ATP2B4: variants seen among roughly 807,000 people sequenced by gnomAD.
ATP2B4 encodes ATPase plasma membrane Ca2+ transporting 4.
ATP2B4 carries 39 observed loss-of-function variants against 110.3 expected under a neutral mutation model. The observed-to-expected ratio is 0.35, with a 90% CI of 0.27 to 0.46. ATP2B4 has a LOEUF of 0.46. Among genes scored for constraint, ATP2B4 ranks in the 20% least tolerant of loss-of-function variants. The pLI, the probability that ATP2B4 is intolerant of heterozygous loss-of-function variation, is 1.00. For missense variants in ATP2B4, 1,135 were observed against 1,530.9 expected (o/e 0.74, Z 4.32); for synonymous variants, 538 against 571.7 (o/e 0.94, Z 0.84).
At chr1:203,636,300 G>A (rs1663435295) in intron 1 of ATP2B4, among the ~76,000 whole-genome samples, 1 of 152,182 alleles carries the variant, frequency 6.6e-6, no homozygotes, top group African/African-American at 2.4e-5. Context: ...TGGCTGTCCT[G>A]TCATTGACCC....
intron 1 of ATP2B4, among the ~76,000 whole-genome samples, chr1:203,654,339 T>G (rs748348577): frequency 2.6e-5 from 4 of 152,308 alleles, no homozygotes; most frequent in Non-Finnish European, 5.9e-5. Context: ...AAAATACTAC[T>G]GCTCATTGAC....
chr1:203,691,309 T>G (rs1328454010), intron 2 of ATP2B4, among the ~76,000 whole-genome samples: 2 of 152,158 alleles, frequency 1.3e-5, no homozygotes, highest in Admixed American at 1.3e-4. Flanking sequence ...GGAAGAAAAA[T>G]AGCATTCCCT....
chr1:203,682,112 A>G (rs748382189), intron 1 of ATP2B4, among the ~76,000 whole-genome samples: 11 of 152,102 alleles, frequency 7.2e-5, no homozygotes, highest in Non-Finnish European at 1.5e-4. Flanking sequence ...GAGTACTCTA[A>G]CGGGCTTTGG....
chr1:203,718,585 C>A (rs1169908607), intron 15 of ATP2B4, among the ~76,000 whole-genome samples: 1 of 152,166 alleles, frequency 6.6e-6, no homozygotes, highest in Non-Finnish European at 1.5e-5. Context: ...CAGGCATGAG[C>A]CACCACACCC....
At chr1:203,720,470 C>T (rs552095791) in intron 15 of ATP2B4, 79 bp from the exon 16 acceptor site, 53 of 1,406,382 alleles carry the variant, frequency 3.8e-5, no homozygotes, top group South Asian at 1.4e-4. Flanking sequence ...ACACTGACTT[C>T]GGAAGCTTCC....
rs1667010587 is a variant in ATP2B4, at chr1:203,742,283, T to C, written c.*2429T>C. 2 of 152,682 alleles carry C rather than the reference T, an allele frequency of 1.3e-5. No homozygotes were observed. Among genetic ancestry groups the C allele is most frequent in the Admixed American group, 6.5e-5 (1 of 15,278 alleles). The allele number at this position is 152,682 out of a possible 1,614,324, so 9.5% of individuals were successfully genotyped here. ...TTTAAAACCAATACACCATACTTTC[T>C]TTCTGCAAACAGCCATCTTTATACT... On this transcript the variant is annotated 3_prime_UTR_variant, in exon 21 of 21. Coordinates refer to ENST00000357681, the MANE Select transcript of ATP2B4 (RefSeq NM_001684.5).
intron 1 of ATP2B4, among the ~76,000 whole-genome samples, chr1:203,647,657 G>A (rs1663844373): frequency 6.6e-6 from 1 of 152,026 alleles, no homozygotes; most frequent in Non-Finnish European, 1.5e-5. Context: ...TACTCGGGAG[G>A]CTGAGGTGGG....
chr1:203,699,353 T>G, intron 3 of ATP2B4, 107 bp from the exon 4 acceptor site: 1 of 1,455,406 alleles, frequency 6.9e-7, no homozygotes, highest in Non-Finnish European at 9.3e-7. Context: ...TTGCTATTAT[T>G]CACTTTTCCT....
intron 19 of ATP2B4, among the ~76,000 whole-genome samples, chr1:203,726,434 T>G (rs1666520162): frequency 6.6e-6 from 1 of 151,994 alleles, no homozygotes; most frequent in Non-Finnish European, 1.5e-5. Flanking sequence ...TCTTTTTTTT[T>G]TTTTTTACCA....
Position 203,676,492 on chromosome 1 carries a change from C to T in ATP2B4, c.-464-6250C>T, listed in dbSNP as rs575960618. ...CTAGCCAGGGATGTTTTAGGCTAGG[C>T]AGCCTACCATGGTCAGGTTCTTGCC... On this transcript the variant is annotated intron_variant, in intron 1 of 20. Coordinates refer to ENST00000357681, the MANE Select transcript of ATP2B4 (RefSeq NM_001684.5). Among the ~76,000 whole-genome samples, 3 of 152,268 alleles carry T rather than the reference C, an allele frequency of 2.0e-5. No homozygotes were observed. The South Asian group carries it at 6.2e-4, about 32-fold the overall frequency.
chr1:203,675,730 G>A (rs916759288), intron 1 of ATP2B4, among the ~76,000 whole-genome samples: 10 of 152,130 alleles, frequency 6.6e-5, no homozygotes, highest in African/African-American at 2.4e-4. Flanking sequence ...GAGGCCCGTG[G>A]ATACCACCTC....
chr1:203,715,343 A>G (rs560305466), intron 15 of ATP2B4, among the ~76,000 whole-genome samples: 1 of 143,372 alleles, frequency 7.0e-6, no homozygotes, highest in East Asian at 2.1e-4. Flanking sequence ...GCCTGAGGTC[A>G]GGAGTTCGAG....
chr1:203,640,349 C>T (rs1015622141), intron 1 of ATP2B4, among the ~76,000 whole-genome samples: 2 of 152,194 alleles, frequency 1.3e-5, no homozygotes, highest in Non-Finnish European at 2.9e-5. Context: ...CAGGGTTTCA[C>T]TCCCATCGCC....
rs540276027 is a variant in ATP2B4, at chr1:203,677,619, T to G, written c.-464-5123T>G. Among the ~76,000 whole-genome samples the G allele has an allele frequency of 1.7e-4, 26 of 152,288 alleles. 1 individual carries two copies. In the South Asian group the frequency reaches 5.2e-3, roughly 30 times the overall value. ...TTGGGATTACAGGCATTCACCACCA[T>G]GCCCAGCTAATTTTTTCTGTTTTTA... On this transcript the variant is annotated intron_variant, in intron 1 of 20. Coordinates refer to ENST00000357681, the MANE Select transcript of ATP2B4 (RefSeq NM_001684.5).
At chr1:203,633,713 G>GATTAAATAA (rs1663346498) in intron 1 of ATP2B4, among the ~76,000 whole-genome samples, 1 of 144,376 alleles carries the variant, frequency 6.9e-6, no homozygotes, top group Admixed American at 7.0e-5. Context: ...CTCCATATCA[G>GATTAAATAA]ATAAATAAAT....
In ATP2B4 at chr1:203,698,640, A is replaced by AATT. The variant is rs935046422; in HGVS notation, c.391+305_391+307dup. 3.5e-4 allele frequency among the ~76,000 whole-genome samples: 52 copies of AATT among 150,112 alleles called. No homozygotes were observed. The South Asian group carries it at 3.6e-3, about 10-fold the overall frequency. On this transcript the variant is annotated intron_variant, in intron 3 of 20. Coordinates refer to ENST00000357681, the MANE Select transcript of ATP2B4 (RefSeq NM_001684.5). ...TTTTAAGACATTTTATTTATTTATT[A>AATT]ATTATTATTATTATTATTATTTTAA...
At chr1:203,628,530 A>G (rs1663159307) in intron 1 of ATP2B4, among the ~76,000 whole-genome samples, 1 of 151,982 alleles carries the variant, frequency 6.6e-6, no homozygotes, top group East Asian at 1.9e-4. Context: ...CCCTGTGGAG[A>G]GGGGAAAGGA....
At chr1:203,708,729 C>T (rs963591666) in intron 10 of ATP2B4, among the ~76,000 whole-genome samples, 1 of 152,136 alleles carries the variant, frequency 6.6e-6, no homozygotes, top group Admixed American at 6.5e-5. Context: ...TGGTTGCGCA[C>T]CTGTAGTCCC....
chr1:203,633,805 T>C (rs1274751935), intron 1 of ATP2B4, among the ~76,000 whole-genome samples: 1 of 151,958 alleles, frequency 6.6e-6, no homozygotes, highest in Admixed American at 6.6e-5. Context: ...AAATTTAATT[T>C]TATGTGAGGC....
Sources: gnomAD v4.1 joint callset for allele counts (sites outside exome capture counted in the v4.1 genomes callset) on GRCh38, gnomAD v4.1.1 for gene constraint, MANE v1.5 for transcripts, NCBI Gene and HGNC (gene_info 2026-07-23, HGNC 2026-07-21) for gene names.